ZNF510: variants seen among roughly 807,000 people sequenced by gnomAD.
ZNF510 encodes zinc finger protein 510.
Under a neutral mutation model 18.1 loss-of-function variants are expected in ZNF510, and 15 were observed. The ratio of observed to expected loss-of-function variants is 0.83; its 90% CI spans 0.55 to 1.28. ZNF510 has a LOEUF of 1.28. ZNF510 is among the 50% of genes most tolerant of loss of function. The pLI, the probability that ZNF510 is intolerant of heterozygous loss-of-function variation, is 0.00. For synonymous variants in ZNF510, 261 were observed against 266.4 expected, an observed-to-expected ratio of 0.98 and a Z score of 0.20; for missense variants, 724 against 791.8, an observed-to-expected ratio of 0.91 and a Z score of 1.03.
Position 96,759,727 on chromosome 9 carries a change from T to C in ZNF510, c.1103A>G (p.Asp368Gly). The change falls in exon 6 of 6, where the codon GAC becomes GGC. Residue 368 changes from aspartate to glycine, a missense_variant. Physicochemically the swap from Asp to Gly is moderately conservative, Grantham distance 94. Coordinates refer to ENST00000223428, the MANE Select transcript of ZNF510 (RefSeq NM_014930.3). ...VIEENPLVSNDRTQTWVKSSE... is the reference protein window; with the variant it reads ...VIEENPLVSNGRTQTWVKSSE... ...GGATTTAACCCAAGTCTGTGTTCTG[T>C]CATTACTTACCAATGGGTTCTCTTC... 1.9e-6 allele frequency: 3 copies of C among 1,613,918 alleles called. No homozygotes were observed. The highest frequency in any genetic ancestry group is 2.2e-5 in the East Asian group (1 of 44,888).
At chr9:96,761,632 G>C (rs1849349803) in intron 5 of ZNF510, among the ~76,000 whole-genome samples, 1 of 151,534 alleles carries the variant, frequency 6.6e-6, no homozygotes, top group Admixed American at 6.6e-5. Context: ...TAATATTTAT[G>C]TAATAATTTC....
chr9:96,771,165 C>T (rs1849577731), intron 3 of ZNF510, among the ~76,000 whole-genome samples: 1 of 152,092 alleles, frequency 6.6e-6, no homozygotes, highest in South Asian at 2.1e-4. Flanking sequence ...CAAAACGTGA[C>T]ATGACATGAC....
Position 96,760,213 on chromosome 9 carries a change from A to G in ZNF510, c.617T>C (p.Val206Ala), listed in dbSNP as rs1387472303. 1 of 1,613,220 alleles carries G rather than the reference A, an allele frequency of 6.2e-7. No individual in the cohort carries two copies. The highest frequency in any genetic ancestry group is 2.2e-5 in the East Asian group (1 of 44,844). The change falls in exon 6 of 6, where the codon GTA (valine) becomes GCA (alanine). Residue 206 changes from valine to alanine, a missense_variant. Val to Ala is a moderately conservative substitution (Grantham distance 64). Transcript: ENST00000223428. ...YSTKKIGCGN[V>A]CENSPFKINF... is the part of the protein sequence containing the mutation. ...AATTTTGAAAGGTGAATTCTCACAT[A>G]CATTACCGCAACCTATTTTCTTTGT... is the stretch of plus-strand genomic sequence containing the variant.
Position 96,759,658 on chromosome 9 carries a change from T to G in ZNF510, c.1172A>C (p.His391Pro). ...ENKKSYQTSV[H>P]RVRRRSHSMM... is the part of the protein sequence containing the mutation. ...TGAGTGACTTCTTCGGCGAACTCTG[T>G]GAACCGACGTCTGGTAGGATTTCTT... The change falls in exon 6 of 6, where the codon CAC (histidine) becomes CCC (proline). Residue 391 changes from histidine (H) to proline (P), a missense_variant. By Grantham distance (77) the His-to-Pro change is moderately conservative (BLOSUM62 -2). Transcript: ENST00000223428. The G allele has an allele frequency of 6.2e-7, 1 of 1,613,630 alleles. No individual in the cohort carries two copies. The highest frequency in any genetic ancestry group is 8.5e-7 in the Non-Finnish European group (1 of 1,179,928).
intron 5 of ZNF510, among the ~76,000 whole-genome samples, chr9:96,760,975 G>C (rs1180829103): frequency 1.3e-5 from 2 of 151,876 alleles, no homozygotes; most frequent in Non-Finnish European, 2.9e-5. Flanking sequence ...ATAGTCTATT[G>C]TCTACATTCT....
intron 1 of ZNF510, among the ~76,000 whole-genome samples, chr9:96,777,124 G>C (rs551029573): frequency 2.1e-4 from 32 of 152,286 alleles, no homozygotes; most frequent in African/African-American, 7.0e-4. Context: ...GACTTCTAAA[G>C]ACAGAGACAG....
chr9:96,775,519 G>A (rs1485679831), intron 2 of ZNF510, among the ~76,000 whole-genome samples: 2 of 152,156 alleles, frequency 1.3e-5, no homozygotes, highest in Non-Finnish European at 1.5e-5. Flanking sequence ...AGGAGATGCT[G>A]AAAGACTATT....
In ZNF510 at chr9:96,776,056, G is replaced by C; in HGVS notation, c.14C>G (p.Pro5Arg). The change falls in exon 2 of 6, where the codon CCA becomes CGA. Residue 5 changes from proline to arginine, a missense_variant. Transcript: ENST00000223428. The stretch of plus-strand genomic sequence containing the variant: ...TGTCACACAATCTGTGATGGCTTCT[G>C]GATGTGGCGACATCACCAAGTCTGG... MSPH[P>R]EAITDCVTLN... is the part of the protein sequence containing the mutation. 2 of 1,605,510 alleles carry C rather than the reference G, an allele frequency of 1.2e-6. No homozygotes were observed. The highest frequency in any genetic ancestry group is 1.7e-6 in the Non-Finnish European group (2 of 1,175,662).
At chr9:96,767,897 A>C (rs7031443) in intron 3 of ZNF510, among the ~76,000 whole-genome samples, 9,009 of 152,214 alleles carry the variant, frequency 0.059, 874 homozygotes, top group African/African-American at 0.2. Context: ...CCTTGAACCA[A>C]AGCCAGATAA....
intron 3 of ZNF510, among the ~76,000 whole-genome samples, chr9:96,772,520 A>C (rs1849603624): frequency 6.6e-6 from 1 of 152,198 alleles, no homozygotes; most frequent in Non-Finnish European, 1.5e-5. Flanking sequence ...ATATTGAAAT[A>C]ATTCCTACTT....
chr9:96,760,889 C>A (rs1849331650), intron 5 of ZNF510, among the ~76,000 whole-genome samples: 3 of 152,038 alleles, frequency 2.0e-5, no homozygotes, highest in African/African-American at 4.8e-5. Context: ...GGAATAGACT[C>A]AACAGGGAGG....
At chr9:96,764,199 C>A (rs1386149706) in intron 3 of ZNF510, among the ~76,000 whole-genome samples, 1 of 151,394 alleles carries the variant, frequency 6.6e-6, no homozygotes, top group African/African-American at 2.4e-5. Context: ...ATTTTTGTAG[C>A]CAAAAAATGT....
chr9:96,774,731 T>A, intron 3 of ZNF510, 57 bp downstream of exon 3: 1 of 1,431,414 alleles, frequency 7.0e-7, no homozygotes, highest in African/African-American at 1.4e-5. Flanking sequence ...TATTAATATG[T>A]GGACCCTTAA....
Position 96,758,741 on chromosome 9 carries a change from G to A in ZNF510, c.*37C>T, listed in dbSNP as rs763632907. The A allele has an allele frequency of 2.0e-6, 3 of 1,522,248 alleles. No individual in the cohort carries two copies. The East Asian group carries it at 6.8e-5, about 34-fold the overall frequency. The allele number at this position is 1,522,248 out of a possible 1,614,324, so 94.3% of individuals were successfully genotyped here. A position where few individuals can be genotyped will look rare whatever the true frequency, so the allele number is the denominator to read the frequency against. On this transcript the variant is annotated 3_prime_UTR_variant, in exon 6 of 6. Coordinates refer to ENST00000223428, the MANE Select transcript of ZNF510 (RefSeq NM_014930.3). ...TTGTGTATCTCTGATATCAAATGGGGTATTCCTTTTGTCAAAAGGATTTTC... is the reference window on the plus strand; with the variant it reads ...TTGTGTATCTCTGATATCAAATGGGATATTCCTTTTGTCAAAAGGATTTTC...
Position 96,778,067 on chromosome 9 carries a change from AAC to A in ZNF510, c.-212_-211del, listed in dbSNP as rs1386903823. 1 of 152,282 alleles carries A rather than the reference AAC, an allele frequency of 6.6e-6. No homozygotes were observed. The highest frequency in any genetic ancestry group is 1.5e-5 in the Non-Finnish European group (1 of 68,096). 9.4% of individuals were successfully genotyped at this position (152,282 alleles called of 1,614,324 possible). A position where few individuals can be genotyped will look rare whatever the true frequency, so the allele number is the denominator to read the frequency against. On this transcript the variant is annotated 5_prime_UTR_variant, in exon 1 of 6. Transcript: ENST00000223428. ...CGAACCCTCTGCACCAGCAAACACT[AAC>A]AGGGAGAAGCCGGAAAGTGGGGTTG... is the stretch of plus-strand genomic sequence containing the variant.
intron 3 of ZNF510, among the ~76,000 whole-genome samples, chr9:96,770,761 T>G (rs935460456): frequency 1.3e-5 from 2 of 149,854 alleles, no homozygotes. Context: ...TGGGGGATGA[T>G]AGCTAAATGA....
rs1849270630 is a variant in ZNF510 at position 96,759,127 on chromosome 9, C to A, written c.1703G>T (p.Gly568Val). 1.2e-6 allele frequency: 2 copies of A among 1,614,100 alleles called. No individual in the cohort carries two copies. The highest frequency in any genetic ancestry group is 2.2e-5 in the South Asian group (2 of 91,070). The change falls in exon 6 of 6, where the codon GGA becomes GTA. Residue 568 changes from glycine to valine, a missense_variant. Transcript: ENST00000223428. ...TTCGTTACATTTGAATGGTTTCTCT[C>A]CCGTGTGAGTTTTCTGATGTTGAAT... ...HLIQHQKTHT[G>V]EKPFKCNECG...
intron 3 of ZNF510, among the ~76,000 whole-genome samples, chr9:96,769,809 G>A (rs570689412): frequency 1.4e-4 from 21 of 152,168 alleles, no homozygotes; most frequent in African/African-American, 2.2e-4. Context: ...GCCAATAAGC[G>A]CATGAAAAGA....
chr9:96,776,327 T>C (rs1286060381), intron 1 of ZNF510, 82 bp from the exon 2 acceptor site: 2 of 507,654 alleles, frequency 3.9e-6, no homozygotes, highest in African/African-American at 2.0e-5. Context: ...GAAACTTTCA[T>C]GGAAAACAGT....
Sources: gnomAD v4.1 joint callset for allele counts (sites outside exome capture counted in the v4.1 genomes callset) on GRCh38, gnomAD v4.1.1 for gene constraint, MANE v1.5 for transcripts, NCBI Gene and HGNC (gene_info 2026-07-23, HGNC 2026-07-21) for gene names.